The following ITPA variants were observed in gnomAD, a reference collection of about 807,000 sequenced individuals.
ITPA encodes the protein inosine triphosphate pyrophosphatase.
Under a neutral mutation model 29.6 loss-of-function variants are expected in ITPA, and 29 were observed. That is an observed-to-expected ratio of 0.98 (90% CI 0.73 to 1.34). The LOEUF is 1.34. Ranked by LOEUF, ITPA falls within the 40% of genes most tolerant of loss-of-function variation. The probability of loss-of-function intolerance (pLI) is 0.00; values close to 1 mark genes in which losing one functional copy is unlikely to be tolerated. For missense variants in ITPA, 241 were observed against 251.5 expected, an observed-to-expected ratio of 0.96 and a Z score of 0.28; for synonymous variants, 103 against 99.3, an observed-to-expected ratio of 1.04 and a Z score of -0.22.
upstream of ITPA, among the ~76,000 whole-genome samples, chr20:3,206,198 G>A (rs1429290554): frequency 6.6e-6 from 1 of 151,518 alleles, no homozygotes; most frequent in African/African-American, 2.4e-5. Context: ...AGACCAGCCT[G>A]ACAAACACAG....
At chr20:3,224,298 G>A (rs1429859797), downstream of ITPA, among the ~76,000 whole-genome samples, 1 of 152,246 alleles carries the variant, frequency 6.6e-6, no homozygotes, top group Non-Finnish European at 1.5e-5. Context: ...CCCTCGGGAG[G>A]CCCTGCTTAT....
At chr20:3,220,043 C>CAAA (rs745545920) in intron 6 of ITPA, among the ~76,000 whole-genome samples, 2 of 58,160 alleles carry the variant, frequency 3.4e-5, no homozygotes, top group Admixed American at 3.9e-4. Context: ...GACCCAGTCT[C>CAAA]AAAAAAAAAA....
chr20:3,205,336 C>T (rs6037498), upstream of ITPA, among the ~76,000 whole-genome samples: 16,829 of 146,018 alleles, frequency 0.12, 1,213 homozygotes, highest in African/African-American at 0.21. Context: ...TTCTTTCTTT[C>T]TTTTGAGGGG....
intron 3 of ITPA, among the ~76,000 whole-genome samples, chr20:3,213,716 G>A (rs1417697219): frequency 3.3e-5 from 5 of 152,144 alleles, no homozygotes; most frequent in African/African-American, 9.7e-5. Context: ...GAGAAAGCAC[G>A]CTGCGGAGAG....
In ITPA at chr20:3,223,361, C is replaced by T. The variant is rs1249736322; in HGVS notation, c.489-5C>T. On this transcript the variant is annotated splice_region_variant and splice_polypyrimidine_tract_variant and intron_variant, in intron 7 of 7. Transcript: ENST00000380113. ...GCTCCCTGAGCTGCTACTGTCACCC[C>T]TCAGGTACGCAGAGATGCCTAAGGC... The T allele has an allele frequency of 3.7e-6, 6 of 1,612,134 alleles. No individual in the cohort carries two copies. Among genetic ancestry groups the T allele is most frequent in the Non-Finnish European group, 5.1e-6 (6 of 1,178,874 alleles).
intron 3 of ITPA, 70 bp downstream of exon 3, chr20:3,213,453 G>A: frequency 6.4e-7 from 1 of 1,574,378 alleles, no homozygotes; most frequent in Non-Finnish European, 8.7e-7. Context: ...GCGCCTGCTA[G>A]AAACAATAGA....
intron 3 of ITPA, 127 bp from the exon 4 acceptor site, chr20:3,213,858 T>C (rs1261770985): frequency 7.6e-6 from 7 of 927,148 alleles, no homozygotes; most frequent in Non-Finnish European, 9.0e-6. Context: ...GCAGCTCCCA[T>C]GGTGCTGTCT....
chr20:3,210,611 C>T (rs1054248073), intron 1 of ITPA, among the ~76,000 whole-genome samples: 1 of 152,094 alleles, frequency 6.6e-6, no homozygotes, highest in African/African-American at 2.4e-5. Flanking sequence ...ACTGAGTGGC[C>T]TTCTCAGGAA....
At chr20:3,206,657 C>T (rs550399164), upstream of ITPA, among the ~76,000 whole-genome samples, 10 of 151,440 alleles carry the variant, frequency 6.6e-5, no homozygotes, top group African/African-American at 1.7e-4. Flanking sequence ...GGTGAAACCC[C>T]GTCTCTACTA....
chr20:3,213,477 GT>G, intron 3 of ITPA, 94 bp downstream of exon 3: 3 of 1,503,380 alleles, frequency 2.0e-6, no homozygotes, highest in Admixed American at 1.7e-5. Flanking sequence ...GACACAGTTT[GT>G]TGAGCTTTCT....
intron 4 of ITPA, 80 bp downstream of exon 4, chr20:3,214,138 T>G: frequency 8.5e-7 from 1 of 1,174,258 alleles, no homozygotes; most frequent in South Asian, 1.2e-5. Flanking sequence ...TACCTGATAC[T>G]GCAGGTCATT....
chr20:3,204,784 G>C (rs1258381624), upstream of ITPA: 10 of 671,584 alleles, frequency 1.5e-5, no homozygotes, highest in Non-Finnish European at 2.2e-5. Flanking sequence ...AAATGAGTTT[G>C]GGGGGTGTAA....
upstream of ITPA, chr20:3,208,876 C>T (rs1043315589): frequency 1.9e-5 from 3 of 154,288 alleles, no homozygotes; most frequent in Non-Finnish European, 2.9e-5. Flanking sequence ...AGCAGACCCA[C>T]CTTTGAGAGG....
rs751182646 is a variant in ITPA, at chr20:3,214,047, C to T, written c.252C>T (p.Pro84=). ...GCTTCAATGCCCTTGGAGGGCTCCC[C>T]GGCCCCTACATGTGAGTGACTACCT... ...CLCFNALGGL[P]GPYIKWFLEK... is the part of the protein sequence containing the mutation. The change falls in exon 4 of 8, where the codon CCC becomes CCT. Residue 84 remains proline (P), a synonymous_variant. Coordinates refer to ENST00000380113, the MANE Select transcript of ITPA (RefSeq NM_033453.4). The T allele has an allele frequency of 8.1e-6, 13 of 1,614,188 alleles. No individual in the cohort carries two copies. The Admixed American group carries it at 1.0e-4, about 12-fold the overall frequency.
At chr20:3,226,576 G>C (rs920833581), downstream of ITPA, among the ~76,000 whole-genome samples, 24 of 152,168 alleles carry the variant, frequency 1.6e-4, no homozygotes, top group Admixed American at 6.5e-5. This position sits in a 1 kb window ranked among gnomAD's most constrained non-coding sequence, Gnocchi z 4.4. Flanking sequence ...CTCCTGTTAC[G>C]GTTGGGCCTC....
chr20:3,209,048 C>T (rs889792008), upstream of ITPA: 1 of 196,196 alleles, frequency 5.1e-6, no homozygotes, highest in Non-Finnish European at 1.1e-5. This position sits in a 1 kb window ranked among gnomAD's most constrained non-coding sequence, Gnocchi z 4.6. Flanking sequence ...GAAGTTTGGG[C>T]TTGTTTTAGG....
downstream of ITPA, among the ~76,000 whole-genome samples, chr20:3,224,253 C>CGTGATCGCCACA (rs1208987643): frequency 2.0e-5 from 3 of 152,226 alleles, no homozygotes; most frequent in East Asian, 3.9e-4. Flanking sequence ...CCCCACTCGG[C>CGTGATCGCCACA]GTGATCGCCA....
chr20:3,219,406 C>G (rs2067402408), intron 6 of ITPA, among the ~76,000 whole-genome samples: 1 of 151,734 alleles, frequency 6.6e-6, no homozygotes, highest in Non-Finnish European at 1.5e-5. Context: ...CCCAGGTGTT[C>G]AAGATCAGCC....
At chr20:3,204,279 G>T (rs942595728), upstream of ITPA, among the ~76,000 whole-genome samples, 1 of 152,190 alleles carries the variant, frequency 6.6e-6, no homozygotes, top group Non-Finnish European at 1.5e-5. Context: ...GGCCTTTGGA[G>T]GTATGGAGTT....
Sources: gnomAD v4.1 joint callset for allele counts (sites outside exome capture counted in the v4.1 genomes callset) on GRCh38, gnomAD v4.1.1 for gene constraint, Gnocchi (gnomAD v3.1) non-coding constraint, MANE v1.5 for transcripts, NCBI Gene and HGNC (gene_info 2026-07-23, HGNC 2026-07-21) for gene names.